Variants in MYO1E observed in about 807,000 individuals in gnomAD.
MYO1E encodes the protein myosin IE.
In MYO1E, 68 loss-of-function variants were observed where a neutral mutation model predicts 151.1. The observed-to-expected ratio is 0.45, with a 90% CI of 0.37 to 0.55. The LOEUF is 0.55. Among genes scored for constraint, MYO1E ranks in the 20% least tolerant of loss-of-function variants. The probability of loss-of-function intolerance (pLI) is 0.00; values close to 1 mark genes in which losing one functional copy is unlikely to be tolerated. For synonymous variants in MYO1E, 601 were observed against 501.7 expected, an observed-to-expected ratio of 1.20 and a Z score of -2.64; for missense variants, 1,363 against 1,389.3, an observed-to-expected ratio of 0.98 and a Z score of 0.30.
chr15:59,171,913 A>T lies in MYO1E; in HGVS notation c.2464T>A (p.Leu822Met), dbSNP rs377012476. The change falls in exon 22 of 28, where the codon TTG becomes ATG. Residue 822 changes from leucine (L) to methionine (M), a missense_variant. Transcript: ENST00000288235. ...LKRKIEIERI[L>M]SVSLSTMQDD... ...ACTACTCACCTGAGGGACACAGACA[A>T]GATCCGTTCTATCTCGATTTTCCGC... The T allele has an allele frequency of 1.4e-5, 22 of 1,614,226 alleles. No homozygotes were observed. In the East Asian group the frequency reaches 2.0e-4, roughly 15 times the overall value.
chr15:59,209,885 A>G (rs1174441099), intron 13 of MYO1E, among the ~76,000 whole-genome samples: 1 of 114,872 alleles, frequency 8.7e-6, no homozygotes, highest in Non-Finnish European at 1.6e-5. Context: ...CCCAGGCTAG[A>G]GTGCAGTGGC....
intron 1 of MYO1E, among the ~76,000 whole-genome samples, chr15:59,324,670 C>A (rs1191770817): frequency 6.6e-6 from 1 of 151,584 alleles, no homozygotes. Context: ...CAAGCCCCCC[C>A]CCCACAGAGG....
At position 59,302,903 on chromosome 15, in the gene MYO1E, G is replaced by A. The variant is rs545955171; in HGVS notation, c.4-30454C>T. Among the ~76,000 whole-genome samples the A allele has an allele frequency of 4.6e-5, 7 of 152,326 alleles. No individual in the cohort carries two copies. The East Asian group carries it at 7.7e-4, about 17-fold the overall frequency. ...AAGCTGTCTCCAGTCCTGCCCAGGG[G>A]AGAAGGACATTTTGACCAGGGCACC... On this transcript the variant is annotated intron_variant, in intron 1 of 27. Transcript: ENST00000288235.
intron 1 of MYO1E, among the ~76,000 whole-genome samples, chr15:59,371,256 T>C (rs2080942568): frequency 6.6e-6 from 1 of 152,110 alleles, no homozygotes; most frequent in Non-Finnish European, 1.5e-5. Context: ...TGCACTTCCC[T>C]CAGGCTGCTC....
chr15:59,274,200 G>A (rs978058075), intron 1 of MYO1E, among the ~76,000 whole-genome samples: 2 of 152,170 alleles, frequency 1.3e-5, no homozygotes, highest in South Asian at 2.1e-4. Context: ...TCTGGAAAGG[G>A]ATTCTGGAAG....
At chr15:59,188,013 G>T (rs1017302094) in intron 18 of MYO1E, 105 bp downstream of exon 18, 1 of 872,200 alleles carries the variant, frequency 1.1e-6, no homozygotes, top group Non-Finnish European at 1.9e-6. Flanking sequence ...CTGTGAATAC[G>T]TTAAAAGCCA....
intron 22 of MYO1E, among the ~76,000 whole-genome samples, chr15:59,164,072 G>C (rs2079551835): frequency 6.6e-6 from 1 of 152,226 alleles, no homozygotes; most frequent in African/African-American, 2.4e-5. Flanking sequence ...GGTGATGGCA[G>C]AGAGACGCTG....
intron 19 of MYO1E, among the ~76,000 whole-genome samples, chr15:59,175,686 T>C (rs536697336): frequency 6.6e-6 from 1 of 152,348 alleles, no homozygotes; most frequent in East Asian, 1.9e-4. Flanking sequence ...TGATATTTCT[T>C]ATCTTGTGTA....
intron 1 of MYO1E, among the ~76,000 whole-genome samples, chr15:59,328,343 T>A (rs899831498): frequency 6.6e-6 from 1 of 152,040 alleles, no homozygotes; most frequent in Admixed American, 6.5e-5. Flanking sequence ...ACTTGATCCA[T>A]TGCCAGGCTC....
At chr15:59,290,372 C>A (rs1009416930) in intron 1 of MYO1E, among the ~76,000 whole-genome samples, 2 of 152,134 alleles carry the variant, frequency 1.3e-5, no homozygotes, top group African/African-American at 4.8e-5. Flanking sequence ...ACAGAGCTAC[C>A]CTTTCTAAAC....
At chr15:59,216,667 T>TGTGTGTGTGTGTGTGTGTGTGTG (rs1491491314) in intron 10 of MYO1E, among the ~76,000 whole-genome samples, 1 of 8,678 alleles carries the variant, frequency 1.2e-4, no homozygotes, top group African/African-American at 2.4e-4. Flanking sequence ...TGTGTATGTG[T>TGTGTGTGTGTGTGTGTGTGTGTG]ATATATATAT....
chr15:59,214,744 A>G (rs2079902882), intron 10 of MYO1E, 24 bp from the exon 11 acceptor site: 5 of 1,572,960 alleles, frequency 3.2e-6, no homozygotes, highest in Non-Finnish European at 4.4e-6. Context: ...ACAGCATGGC[A>G]GTGAACTCCT....
rs1348035934 is a variant in MYO1E at position 59,238,728 on chromosome 15, T to C, written c.333-2056A>G. ...CTGGGATTACAGGTGTGCACCACCA[T>C]GCCTAGCTAATTTTTTAATTTTTAG... is the stretch of plus-strand genomic sequence containing the variant. On this transcript the variant is annotated intron_variant, in intron 4 of 27. Coordinates refer to ENST00000288235, the MANE Select transcript of MYO1E (RefSeq NM_004998.4). 4.6e-5 allele frequency among the ~76,000 whole-genome samples: 7 copies of C among 151,954 alleles called. No homozygotes were observed. In the East Asian group the frequency reaches 1.4e-3, roughly 30 times the overall value.
At chr15:59,311,213 G>C (rs1420319455) in intron 1 of MYO1E, among the ~76,000 whole-genome samples, 4 of 152,218 alleles carry the variant, frequency 2.6e-5, no homozygotes, top group Non-Finnish European at 4.4e-5. Flanking sequence ...GACAGGTTTT[G>C]TGGAAGACAA....
intron 18 of MYO1E, among the ~76,000 whole-genome samples, chr15:59,179,264 A>G (rs1273733573): frequency 2.0e-5 from 3 of 152,108 alleles, no homozygotes; most frequent in South Asian, 2.1e-4. Context: ...CCAAAAATCA[A>G]AAACTGCTCT....
intron 1 of MYO1E, among the ~76,000 whole-genome samples, chr15:59,274,477 G>T (rs1322132444): frequency 6.6e-6 from 1 of 152,104 alleles, no homozygotes; most frequent in Non-Finnish European, 1.5e-5. Context: ...GGCACCCACG[G>T]TTACTCTGCA....
At chr15:59,255,269 C>T (rs1391313535) in intron 4 of MYO1E, among the ~76,000 whole-genome samples, 1 of 152,096 alleles carries the variant, frequency 6.6e-6, no homozygotes, top group Non-Finnish European at 1.5e-5. Flanking sequence ...CAAATGACAC[C>T]AGACGCCTGG....
chr15:59,318,582 T>C (rs941029891), intron 1 of MYO1E, among the ~76,000 whole-genome samples: 3 of 152,200 alleles, frequency 2.0e-5, no homozygotes, highest in Admixed American at 6.5e-5. Flanking sequence ...AAGACTTGCA[T>C]TGCCAGTCAT....
intron 5 of MYO1E, among the ~76,000 whole-genome samples, chr15:59,233,068 T>C (rs190895153): frequency 6.6e-6 from 1 of 151,240 alleles, no homozygotes; most frequent in African/African-American, 2.4e-5. Context: ...CTGCTTTTCT[T>C]TGTAAAATCT....
Sources: gnomAD v4.1 joint callset for allele counts (sites outside exome capture counted in the v4.1 genomes callset) on GRCh38, gnomAD v4.1.1 for gene constraint, MANE v1.5 for transcripts, NCBI Gene and HGNC (gene_info 2026-07-23, HGNC 2026-07-21) for gene names.